The following CTCFL variants were observed in gnomAD, a reference collection of about 807,000 sequenced individuals.
The protein encoded by CTCFL is CCCTC-binding factor like, also known as transcriptional repressor CTCFL.
CTCFL carries 36 observed loss-of-function variants against 67.4 expected under a neutral mutation model. The observed-to-expected ratio is 0.53, with a 90% CI of 0.41 to 0.71. The LOEUF (loss-of-function observed/expected upper bound fraction) is 0.71, where lower values mean the gene tolerates loss of function less well. Ranked by LOEUF, CTCFL falls within the 30% of genes least tolerant of loss-of-function variation. CTCFL has a pLI of 0.00. For synonymous variants in CTCFL, 324 were observed against 302.3 expected (o/e 1.07, Z -0.75); for missense variants, 786 against 835.2 (o/e 0.94, Z 0.73).
At chr20:57,512,874 C>G (rs2068656046) in intron 7 of CTCFL, 122 bp from the exon 8 acceptor site, 2 of 887,512 alleles carry the variant, frequency 2.3e-6, no homozygotes, top group Non-Finnish European at 3.5e-6. Context: ...CCTTCCTGGG[C>G]AGGGCAGGGT....
In CTCFL at chr20:57,519,349, G is replaced by C. The variant is rs370333903; in HGVS notation, c.783C>G (p.Val261=). 1.4e-4 allele frequency: 234 copies of C among 1,614,104 alleles called. No homozygotes were observed. Among genetic ancestry groups the C allele is most frequent in the Middle Eastern group, 1.2e-3 (7 of 6,060 alleles). The change falls in exon 4 of 11, where the codon GTC becomes GTG. Residue 261 remains valine (V), a synonymous_variant. Transcript: ENST00000243914. ...KGAKGTFHCD[V]CMFTSSRMSS... ...ACATTCTAGAAGAGGTGAACATGCA[G>C]ACATCACAGTGGAAGGTTCCTTTTG...
chr20:57,518,173 G>A (rs745400803), intron 5 of CTCFL, among the ~76,000 whole-genome samples: 16 of 152,172 alleles, frequency 1.1e-4, no homozygotes, highest in Non-Finnish European at 1.9e-4. Context: ...ACAATTAACT[G>A]GTGGAAACTG....
chr20:57,503,400 T>C (rs918637829), intron 10 of CTCFL, 36 bp downstream of exon 10: 9 of 1,612,282 alleles, frequency 5.6e-6, no homozygotes, highest in East Asian at 2.2e-5. Context: ...AGAAAATCAC[T>C]GAGGCGGTAA....
intron 8 of CTCFL, among the ~76,000 whole-genome samples, chr20:57,512,086 C>G (rs1291633613): frequency 6.6e-6 from 1 of 152,194 alleles, no homozygotes; most frequent in Non-Finnish European, 1.5e-5. Flanking sequence ...ATGCCGGCTT[C>G]TCATCTCATC....
chr20:57,520,864 C>T (rs2069302745), intron 3 of CTCFL, among the ~76,000 whole-genome samples: 2 of 152,180 alleles, frequency 1.3e-5, no homozygotes, highest in African/African-American at 2.4e-5. Flanking sequence ...TTTGCAGATG[C>T]AATCAAGCTA....
chr20:57,512,006 C>T (rs1185444081), intron 8 of CTCFL, among the ~76,000 whole-genome samples: 1 of 152,304 alleles, frequency 6.6e-6, no homozygotes, highest in South Asian at 2.1e-4. Context: ...AAAGTGGCTA[C>T]TTGAGCTGGA....
At position 57,503,613 on chromosome 20, in the gene CTCFL, T is replaced by C; in HGVS notation, c.1675-12A>G. 1.2e-6 allele frequency: 2 copies of C among 1,613,818 alleles called. No homozygotes were observed. Among genetic ancestry groups the C allele is most frequent in the Non-Finnish European group, 1.7e-6 (2 of 1,179,866 alleles). ...CTGTGCAGGTTAATCTGTCGGAGAA[T>C]TGACACAGAACACACAAGGCGAGTG... On this transcript the variant is annotated splice_polypyrimidine_tract_variant and intron_variant, in intron 9 of 10. Transcript: ENST00000243914.
At chr20:57,497,113 C>T (rs1340261286), downstream of CTCFL, 7 of 426,948 alleles carry the variant, frequency 1.6e-5, no homozygotes, top group South Asian at 5.0e-4. Flanking sequence ...TCTCCACATT[C>T]TCTCCAGACA....
intron 10 of CTCFL, among the ~76,000 whole-genome samples, chr20:57,502,897 CAGAAG>C (rs1023542910): frequency 6.6e-6 from 1 of 152,138 alleles, no homozygotes; most frequent in Admixed American, 6.5e-5. Context: ...TTGTAAGAGG[CAGAAG>C]AGAAGGCCCA....
At chr20:57,513,717 C>T (rs2068710490) in intron 7 of CTCFL, 2 of 1,203,710 alleles carry the variant, frequency 1.7e-6, no homozygotes, top group South Asian at 1.5e-5. Context: ...CACCTTTCGC[C>T]TTTCAGAAAG....
intron 3 of CTCFL, among the ~76,000 whole-genome samples, chr20:57,522,768 C>A (rs1054959748): frequency 1.3e-5 from 2 of 152,160 alleles, no homozygotes; most frequent in African/African-American, 4.8e-5. Flanking sequence ...ATGACTTGTC[C>A]CCCATATCCC....
At position 57,524,073 on chromosome 20, in the gene CTCFL, T is replaced by C; in HGVS notation, c.133A>G (p.Ser45Gly). Residue 45 changes from serine (S) to glycine (G), a missense_variant, in exon 2 of 11, where the codon AGT becomes GGT. Coordinates refer to ENST00000243914, the MANE Select transcript of CTCFL (RefSeq NM_001386993.1). ...GAGGTACGCTCGGCCTCCAACTCAC[T>C]AGGGCTCCGATGGTCTTTCTCTCTG... ...VCREKDHRSP[S>G]ELEAERTSGA... The C allele has an allele frequency of 6.2e-7, 1 of 1,613,682 alleles. No homozygotes were observed. Among genetic ancestry groups the C allele is most frequent in the Non-Finnish European group, 8.5e-7 (1 of 1,179,976 alleles).
chr20:57,503,311 A>G, intron 10 of CTCFL, 125 bp downstream of exon 10: 1 of 1,145,688 alleles, frequency 8.7e-7, no homozygotes, highest in South Asian at 1.4e-5. Context: ...GCCACCTTGC[A>G]GGACCGACTG....
At chr20:57,512,258 T>TA (rs2068613147) in intron 8 of CTCFL, among the ~76,000 whole-genome samples, 3 of 152,192 alleles carry the variant, frequency 2.0e-5, no homozygotes, top group African/African-American at 7.2e-5. Context: ...TGGGTGTCAC[T>TA]GCCTTGATCC....
chr20:57,523,616 A>C (rs767288406), intron 2 of CTCFL, 47 bp downstream of exon 2: 157 of 1,565,764 alleles, frequency 1.0e-4, no homozygotes, highest in South Asian at 8.8e-4. Context: ...GCCGACTTGA[A>C]TTTTTTCTTT....
chr20:57,515,749 GTA>G lies in CTCFL; in HGVS notation c.1143_1144del (p.Thr382LeufsTer13), dbSNP rs746314543. The G allele has an allele frequency of 6.2e-7, 1 of 1,614,120 alleles. No individual in the cohort carries two copies. Among genetic ancestry groups the G allele is most frequent in the East Asian group, 2.2e-5 (1 of 44,880 alleles). On this transcript the variant is annotated frameshift_variant, in exon 6 of 11. Transcript: ENST00000243914. LOFTEE classifies it high-confidence loss of function. ...TCTCATGTGGCGTTTCAGCTTGTAG[GTA>G]TCTCTGCTGGCATAGCTGCACTGGC...
rs577419993 is a variant in CTCFL at position 57,523,457 on chromosome 20, T to G, written c.544-179A>C. Among the ~76,000 whole-genome samples the G allele has an allele frequency of 8.5e-5, 13 of 152,292 alleles. No individual in the cohort carries two copies. In the East Asian group the frequency reaches 1.5e-3, roughly 18 times the overall value. On this transcript the variant is annotated intron_variant, in intron 2 of 10. Transcript: ENST00000243914. ...CTTAACACTTTTTTTTAAAACATAA[T>G]GCGCCTTACACTATTCCAATTAGCA...
At chr20:57,522,061 A>T (rs2069409832) in intron 3 of CTCFL, among the ~76,000 whole-genome samples, 1 of 152,150 alleles carries the variant, frequency 6.6e-6, no homozygotes, top group African/African-American at 2.4e-5. Context: ...GAAATTGTAA[A>T]ACTTGGGGTG....
chr20:57,512,618 T>G lies in CTCFL; in HGVS notation c.1465A>C (p.Lys489Gln), dbSNP rs371597417. The change falls in exon 8 of 11, where the codon AAA becomes CAA. Residue 489 changes from lysine to glutamine, a missense_variant. Lys to Gln is a moderately conservative substitution (Grantham distance 53). Around this residue, in one of 3 missense-constraint regions of CTCFL, gnomAD observed 254 missense variants for 333.9 expected, o/e 0.76. Coordinates refer to ENST00000243914, the MANE Select transcript of CTCFL (RefSeq NM_001386993.1). Reference sequence around the variant, plus strand: ...TGCTTGCAGGCATAACTGCAGTGTTTGCACTTGAACCTCTTCTCATTCTTA... The same window carrying G: ...TGCTTGCAGGCATAACTGCAGTGTTGGCACTTGAACCTCTTCTCATTCTTA... ...THKNEKRFKC[K>Q]HCSYACKQER... is the part of the protein sequence containing the mutation. The G allele has an allele frequency of 6.2e-7, 1 of 1,614,256 alleles. No homozygotes were observed. The highest frequency in any genetic ancestry group is 1.1e-5 in the South Asian group (1 of 91,084).
Sources: allele counts gnomAD v4.1 joint callset (sites outside exome capture counted in the v4.1 genomes callset), GRCh38; gene constraint gnomAD v4.1.1; regional missense constraint gnomAD v4.1.1; transcripts MANE v1.5; gene names NCBI Gene and HGNC (gene_info 2026-07-23, HGNC 2026-07-21).